Variants in CLNK observed in about 807,000 individuals in gnomAD.
CLNK encodes cytokine dependent hematopoietic cell linker.
CLNK carries 74 observed loss-of-function variants against 68.6 expected under a neutral mutation model. The observed-to-expected ratio is 1.08, with a 90% CI of 0.89 to 1.31. The LOEUF (loss-of-function observed/expected upper bound fraction) is 1.31. Among genes scored for constraint, CLNK ranks in the 50% most tolerant of loss-of-function variants. The probability of loss-of-function intolerance (pLI) is 0.00; values close to 1 mark genes in which losing one functional copy is unlikely to be tolerated. For missense variants in CLNK, 553 were observed against 515.3 expected (o/e 1.07, Z -0.71); for synonymous variants, 198 against 172.2 (o/e 1.15, Z -1.17).
intron 1 of CLNK, among the ~76,000 whole-genome samples, chr4:10,672,502 A>T (rs796798178): frequency 1.7e-4 from 26 of 152,284 alleles, no homozygotes; most frequent in African/African-American, 5.5e-4. Context: ...ATGAATCTGA[A>T]CTTGAAGATT....
chr4:10,640,820 A>G (rs1264339366), intron 2 of CLNK, among the ~76,000 whole-genome samples: 1 of 152,234 alleles, frequency 6.6e-6, no homozygotes, highest in African/African-American at 2.4e-5. Context: ...ATAAACAGCA[A>G]CGTGAAACCT....
In CLNK at chr4:10,513,590, T is replaced by A; in HGVS notation, c.780A>T (p.Arg260Ser). ...GAGGAGAACAGGGCTGCATGCCTCC[T>A]CTATGATCTGGAAAGGTTAAATTCA... ...SNHSVQNRDH[R>S]GGMQPCSPQR... Residue 260 changes from arginine (R) to serine (S), a missense_variant, in exon 16 of 19, where the codon AGA (arginine) becomes AGT (serine). Arg to Ser is a moderately radical substitution (Grantham distance 110). Coordinates refer to ENST00000226951, the MANE Select transcript of CLNK (RefSeq NM_052964.4). The A allele has an allele frequency of 1.3e-6, 2 of 1,599,096 alleles. No individual in the cohort carries two copies. The highest frequency in any genetic ancestry group is 1.7e-6 in the Non-Finnish European group (2 of 1,172,842).
the CLNK span, among the ~76,000 whole-genome samples, chr4:10,734,519 C>T: frequency 6.6e-6 from 1 of 152,178 alleles, no homozygotes; most frequent in African/African-American, 2.4e-5. Context: ...TAAAGTTGAA[C>T]AGACTCACCA....
chr4:10,590,664 T>C (rs1326415558), intron 3 of CLNK, among the ~76,000 whole-genome samples: 1 of 152,248 alleles, frequency 6.6e-6, no homozygotes, highest in Non-Finnish European at 1.5e-5. Context: ...AGAAGGCTAC[T>C]CTAGAATAAG....
chr4:10,672,326 G>A (rs1254521657), intron 1 of CLNK, among the ~76,000 whole-genome samples: 1 of 152,172 alleles, frequency 6.6e-6, no homozygotes, highest in Non-Finnish European at 1.5e-5. Context: ...GTTTGAACAG[G>A]TGAGTTTGTT....
intron 2 of CLNK, among the ~76,000 whole-genome samples, chr4:10,602,821 A>G (rs529151329): frequency 6.6e-6 from 1 of 152,332 alleles, no homozygotes; most frequent in South Asian, 2.1e-4. Context: ...ATGGTCTAGA[A>G]GAAAAACGAG....
intron 2 of CLNK, among the ~76,000 whole-genome samples, chr4:10,606,959 G>T (rs1721816498): frequency 6.6e-6 from 1 of 152,204 alleles, no homozygotes; most frequent in Non-Finnish European, 1.5e-5. Context: ...TGGGTGAGCT[G>T]ATTTAATCGT....
intron 2 of CLNK, among the ~76,000 whole-genome samples, chr4:10,645,521 T>C (rs1723472218): frequency 6.6e-6 from 1 of 152,174 alleles, no homozygotes; most frequent in Non-Finnish European, 1.5e-5. Flanking sequence ...AGACAGGAAT[T>C]TACATACTTA....
intron 2 of CLNK, among the ~76,000 whole-genome samples, chr4:10,605,389 T>C (rs1164417926): frequency 1.3e-5 from 2 of 152,194 alleles, no homozygotes; most frequent in South Asian, 2.1e-4. Context: ...TGATACGGTA[T>C]AGCCTATTGC....
At chr4:10,541,891 T>C (rs78658028) in intron 10 of CLNK, 131 bp downstream of exon 10, 6 of 699,492 alleles carry the variant, frequency 8.6e-6, no homozygotes, top group Non-Finnish European at 1.4e-5. Context: ...TTTTTTTTTT[T>C]CCACATCCGT....
At chr4:10,612,490 C>T (rs1372472140) in intron 2 of CLNK, among the ~76,000 whole-genome samples, 2 of 152,160 alleles carry the variant, frequency 1.3e-5, no homozygotes, top group Admixed American at 6.5e-5. Context: ...GAGGAAAAGC[C>T]CAGGGAGGCA....
intron 2 of CLNK, among the ~76,000 whole-genome samples, chr4:10,605,354 C>T (rs560441323): frequency 9.9e-5 from 15 of 152,172 alleles, no homozygotes; most frequent in Admixed American, 4.6e-4. Flanking sequence ...CAAACCGAGA[C>T]GGTGGAACCT....
rs376992733 is a variant in CLNK, at chr4:10,515,540, G to A, written c.773-1943C>T. ...ATGACTGACAAACTACTGTTATTCC[G>A]ACTTGGATATTTGACAGATATGTTA... On this transcript the variant is annotated intron_variant, in intron 15 of 18. Coordinates refer to ENST00000226951, the MANE Select transcript of CLNK (RefSeq NM_052964.4). Among the ~76,000 whole-genome samples, 26 of 151,286 alleles carry A rather than the reference G, an allele frequency of 1.7e-4. No homozygotes were observed. The East Asian group carries it at 4.1e-3, about 24-fold the overall frequency.
At chr4:10,703,549 T>C in the CLNK span, among the ~76,000 whole-genome samples, 3 of 152,246 alleles carry the variant, frequency 2.0e-5, no homozygotes, top group Non-Finnish European at 4.4e-5. Flanking sequence ...CACTGTAAGC[T>C]CTTAGAGAGC....
chr4:10,651,211 G>T (rs1723719816), intron 2 of CLNK, among the ~76,000 whole-genome samples: 1 of 152,126 alleles, frequency 6.6e-6, no homozygotes, highest in Non-Finnish European at 1.5e-5. Context: ...TATACCCAAA[G>T]GATTACAAAT....
chr4:10,592,653 C>T (rs770698504), intron 3 of CLNK, among the ~76,000 whole-genome samples: 25 of 152,092 alleles, frequency 1.6e-4, no homozygotes, highest in Non-Finnish European at 2.9e-4. Flanking sequence ...TTCCTTCTTC[C>T]TACTCCCCCA....
intron 12 of CLNK, among the ~76,000 whole-genome samples, chr4:10,530,904 T>C (rs2108802469): frequency 6.6e-6 from 1 of 152,230 alleles, no homozygotes; most frequent in East Asian, 1.9e-4. Flanking sequence ...CCTGGTGAAG[T>C]CCTCAGTGGA....
the CLNK span, among the ~76,000 whole-genome samples, chr4:10,708,874 G>C: frequency 1.3e-5 from 2 of 152,150 alleles, no homozygotes; most frequent in Non-Finnish European, 2.9e-5. Context: ...AAAAGATCAG[G>C]ATTCAGTTTG....
chr4:10,585,484 T>C (rs1560228712), intron 3 of CLNK, among the ~76,000 whole-genome samples: 1 of 152,350 alleles, frequency 6.6e-6, no homozygotes, highest in East Asian at 1.9e-4. Flanking sequence ...TGTACCTCAC[T>C]TCCATTTTCT....
Sources: allele counts gnomAD v4.1 joint callset (sites outside exome capture counted in the v4.1 genomes callset), GRCh38; gene constraint gnomAD v4.1.1; transcripts MANE v1.5; gene names NCBI Gene and HGNC (gene_info 2026-07-23, HGNC 2026-07-21).